Variants in AOPEP observed in about 807,000 individuals in gnomAD.
The protein encoded by AOPEP is aminopeptidase O.
A neutral mutation model predicts 98.1 loss-of-function variants in AOPEP; 77 were observed. The ratio of observed to expected loss-of-function variants is 0.78; its 90% CI spans 0.65 to 0.95. The LOEUF (loss-of-function observed/expected upper bound fraction) is 0.95. AOPEP is among the 40% of genes least tolerant of loss of function. The pLI, the probability that AOPEP is intolerant of heterozygous loss-of-function variation, is 0.00. For synonymous variants in AOPEP, 346 were observed against 365.3 expected (o/e 0.95, Z 0.60); for missense variants, 1,024 against 1,024.7 (o/e 1.00, Z 0.01).
intron 7 of AOPEP, among the ~76,000 whole-genome samples, chr9:94,947,370 C>G (rs184062880): frequency 6.6e-6 from 1 of 151,934 alleles, no homozygotes; most frequent in African/African-American, 2.4e-5. Context: ...CCTTGAACTC[C>G]TGGGCTCAGT....
At chr9:94,906,825 T>G (rs1378258728) in intron 5 of AOPEP, among the ~76,000 whole-genome samples, 1 of 152,192 alleles carries the variant, frequency 6.6e-6, no homozygotes, top group Non-Finnish European at 1.5e-5. Flanking sequence ...ATTTGCTGAA[T>G]CAATGAATGG....
chr9:94,955,696 A>G (rs2058400410), intron 8 of AOPEP, among the ~76,000 whole-genome samples: 1 of 152,148 alleles, frequency 6.6e-6, no homozygotes, highest in Non-Finnish European at 1.5e-5. Context: ...AGTCCAAACA[A>G]AAATGATGAC....
chr9:94,861,889 C>T (rs1051482073), intron 5 of AOPEP, among the ~76,000 whole-genome samples: 15 of 152,270 alleles, frequency 9.9e-5, no homozygotes, highest in Non-Finnish European at 1.6e-4. Context: ...GGCTGCACTA[C>T]GTCTTTCATG....
At chr9:94,774,168 C>T (rs987632825) in intron 3 of AOPEP, among the ~76,000 whole-genome samples, 5 of 151,630 alleles carry the variant, frequency 3.3e-5, no homozygotes, top group South Asian at 2.1e-4. Context: ...AAAAATTAGC[C>T]GGGCGTGGGG....
At chr9:95,023,760 C>T (rs1381612866) in intron 13 of AOPEP, among the ~76,000 whole-genome samples, 1 of 152,144 alleles carries the variant, frequency 6.6e-6, no homozygotes, top group African/African-American at 2.4e-5. Flanking sequence ...GGAATTGGCT[C>T]TGGATCGTTA....
chr9:94,915,397 T>A (rs2052653461), intron 5 of AOPEP, among the ~76,000 whole-genome samples: 1 of 152,226 alleles, frequency 6.6e-6, no homozygotes, highest in Non-Finnish European at 1.5e-5. Context: ...TAACTTTGAT[T>A]TAGCAGAATT....
At chr9:94,800,304 C>G (rs1450478696) in intron 4 of AOPEP, among the ~76,000 whole-genome samples, 2 of 152,138 alleles carry the variant, frequency 1.3e-5, no homozygotes, top group Admixed American at 1.3e-4. Context: ...GTCTTTTATT[C>G]TAGGTAATCC....
intron 13 of AOPEP, among the ~76,000 whole-genome samples, chr9:95,023,873 A>C (rs1001192872): frequency 9.9e-5 from 15 of 152,252 alleles, no homozygotes; most frequent in Non-Finnish European, 1.6e-4. Context: ...CATGATTTAA[A>C]AAGGCTTCTC....
chr9:95,065,752 C>T (rs747262540), intron 14 of AOPEP, among the ~76,000 whole-genome samples: 2 of 152,216 alleles, frequency 1.3e-5, no homozygotes, highest in Non-Finnish European at 2.9e-5. Context: ...CACTTGCCAC[C>T]TCCACCTGGC....
At chr9:94,956,082 TTATGCCAGTATTAAAGAGTAGG>T in intron 9 of AOPEP, 67 bp downstream of exon 9, 2 of 910,494 alleles carry the variant, frequency 2.2e-6, no homozygotes, top group Non-Finnish European at 3.5e-6. Flanking sequence ...GAAGATTAGA[TTATGCCAGTATTAAAGAGTAGG>T]GAAAAGGTTT....
chr9:95,020,619 A>G (rs1049412069), intron 13 of AOPEP, among the ~76,000 whole-genome samples: 1 of 152,084 alleles, frequency 6.6e-6, no homozygotes, highest in African/African-American at 2.4e-5. Flanking sequence ...TATTTAAAAA[A>G]AAAAAAAGAA....
chr9:94,805,560 A>T (rs1056280957), intron 5 of AOPEP, among the ~76,000 whole-genome samples: 1 of 152,112 alleles, frequency 6.6e-6, no homozygotes, highest in African/African-American at 2.4e-5. Flanking sequence ...CCATAGAAAA[A>T]ATTATCAATT....
intron 14 of AOPEP, among the ~76,000 whole-genome samples, chr9:95,078,485 G>T (rs2069332929): frequency 6.6e-6 from 1 of 152,258 alleles, no homozygotes; most frequent in Non-Finnish European, 1.5e-5. Flanking sequence ...TTGGTTGTTA[G>T]AACACTTTAA....
At chr9:95,100,028 AC>A in the AOPEP span, 2 of 232,090 alleles carry the variant, frequency 8.6e-6, no homozygotes, top group Non-Finnish European at 1.7e-5. Context: ...CCCTGCTGCC[AC>A]CATGTCCACA....
the AOPEP span, chr9:95,135,284 A>T: frequency 2.0e-6 from 3 of 1,527,504 alleles, no homozygotes; most frequent in South Asian, 3.4e-5. Context: ...TCTCTGACTA[A>T]AAGAAATGAT....
chr9:95,083,668 A>C (rs1294757875), intron 16 of AOPEP, among the ~76,000 whole-genome samples: 2 of 150,790 alleles, frequency 1.3e-5, no homozygotes, highest in Non-Finnish European at 3.0e-5. Context: ...CACACAGAGC[A>C]CCTGCGGCAC....
At chr9:95,123,995 C>T in the AOPEP span, 11 of 341,044 alleles carry the variant, frequency 3.2e-5, no homozygotes, top group Admixed American at 1.2e-4. Context: ...CCCAGCTACA[C>T]GCAGGGGCTG....
At chr9:94,739,383 G>A (rs1487618809) in intron 1 of AOPEP, among the ~76,000 whole-genome samples, 3 of 152,252 alleles carry the variant, frequency 2.0e-5, no homozygotes, top group South Asian at 2.1e-4. Flanking sequence ...AGTGGCTCAC[G>A]CCTGTAATCC....
At chr9:95,032,759 G>A (rs768311315) in intron 13 of AOPEP, among the ~76,000 whole-genome samples, 3 of 152,224 alleles carry the variant, frequency 2.0e-5, no homozygotes, top group Non-Finnish European at 4.4e-5. Context: ...ATGACTAAGT[G>A]AGGGGAGGGT....
Sources: gnomAD v4.1 joint callset for allele counts (sites outside exome capture counted in the v4.1 genomes callset) on GRCh38, gnomAD v4.1.1 for gene constraint, MANE v1.5 for transcripts, NCBI Gene and HGNC (gene_info 2026-07-23, HGNC 2026-07-21) for gene names.